The following THADA variants were observed in gnomAD, a reference collection of about 807,000 sequenced individuals.
THADA encodes the protein tRNA (32-2'-O)-methyltransferase regulator THADA.
THADA carries 213 observed loss-of-function variants against 219.8 expected under a neutral mutation model. That is an observed-to-expected ratio of 0.97 (90% CI 0.87 to 1.09). The LOEUF (loss-of-function observed/expected upper bound fraction) is 1.09. THADA is among the 50% of genes least tolerant of loss of function. The pLI, the probability that THADA is intolerant of heterozygous loss-of-function variation, is 0.00. For synonymous variants in THADA, 1,018 were observed against 828.9 expected, an observed-to-expected ratio of 1.23 and a Z score of -3.92; for missense variants, 2,956 against 2,311.3, an observed-to-expected ratio of 1.28 and a Z score of -5.72.
At chr2:43,530,308 T>C (rs942917940) in intron 21 of THADA, among the ~76,000 whole-genome samples, 7 of 152,326 alleles carry the variant, frequency 4.6e-5, no homozygotes, top group Admixed American at 3.9e-4. Flanking sequence ...AAGCCTTATT[T>C]TGTCTTCAAT....
chr2:43,252,716 G>C (rs6743112), intron 36 of THADA, among the ~76,000 whole-genome samples: 1 of 152,064 alleles, frequency 6.6e-6, no homozygotes, highest in Non-Finnish European at 1.5e-5. Context: ...CTAGTCCCCA[G>C]TGCTCTTGTC....
intron 30 of THADA, chr2:43,333,286 T>G (rs1666006356): frequency 6.6e-6 from 1 of 152,190 alleles, no homozygotes; most frequent in Non-Finnish European, 1.5e-5. Flanking sequence ...TGAACATATG[T>G]CAGCATGCTT....
At chr2:43,286,234 T>A (rs1444715685) in intron 35 of THADA, among the ~76,000 whole-genome samples, 1 of 152,080 alleles carries the variant, frequency 6.6e-6, no homozygotes. Flanking sequence ...TAGGGAGTGG[T>A]GGATGATAAG....
intron 36 of THADA, among the ~76,000 whole-genome samples, chr2:43,272,209 T>TA (rs1346229095): frequency 2.0e-5 from 3 of 152,134 alleles, no homozygotes; most frequent in African/African-American, 7.2e-5. Context: ...CTGGAGTGGC[T>TA]AGGGGAGGAG....
intron 28 of THADA, among the ~76,000 whole-genome samples, chr2:43,412,615 T>C (rs183216884): frequency 1.1e-4 from 17 of 152,308 alleles, no homozygotes; most frequent in Non-Finnish European, 1.9e-4. Flanking sequence ...CTTCAAAGCA[T>C]TTCATTTATT....
At chr2:43,288,168 C>T (rs746129483) in intron 34 of THADA, among the ~76,000 whole-genome samples, 21 of 152,340 alleles carry the variant, frequency 1.4e-4, no homozygotes, top group Non-Finnish European at 2.9e-4. Flanking sequence ...GCTATAATCC[C>T]AGCACTTTGG....
At chr2:43,443,070 T>C (rs1162209381) in intron 26 of THADA, among the ~76,000 whole-genome samples, 2 of 152,202 alleles carry the variant, frequency 1.3e-5, no homozygotes, top group African/African-American at 2.4e-5. Context: ...CAGCATGTCA[T>C]ACATGAAACT....
intron 26 of THADA, among the ~76,000 whole-genome samples, chr2:43,464,117 T>C (rs1409506992): frequency 6.6e-6 from 1 of 152,200 alleles, no homozygotes; most frequent in African/African-American, 2.4e-5. Flanking sequence ...CACTTTTGTA[T>C]GCAACAGTTT....
intron 36 of THADA, among the ~76,000 whole-genome samples, chr2:43,272,279 A>G (rs1403407635): frequency 6.6e-6 from 1 of 152,204 alleles, no homozygotes; most frequent in East Asian, 1.9e-4. Flanking sequence ...GGTTTTACCC[A>G]GATTAAGATG....
chr2:43,251,331 T>C (rs753708095), intron 36 of THADA, among the ~76,000 whole-genome samples: 5 of 152,220 alleles, frequency 3.3e-5, no homozygotes, highest in Admixed American at 1.3e-4. Context: ...TGCTTTTTCA[T>C]GAAGGCTTTT....
At chr2:43,272,539 T>A (rs1672250674) in intron 36 of THADA, among the ~76,000 whole-genome samples, 1 of 152,090 alleles carries the variant, frequency 6.6e-6, no homozygotes, top group Non-Finnish European at 1.5e-5. Flanking sequence ...CATCTCATAC[T>A]TAAATAGTAA....
chr2:43,447,391 T>C (rs1681717039), intron 26 of THADA, among the ~76,000 whole-genome samples: 1 of 152,134 alleles, frequency 6.6e-6, no homozygotes, highest in African/African-American at 2.4e-5. Flanking sequence ...CTCCTTTGTA[T>C]AGGCAATTTC....
intron 21 of THADA, among the ~76,000 whole-genome samples, chr2:43,537,315 T>A (rs928409954): frequency 2.0e-5 from 3 of 152,220 alleles, no homozygotes; most frequent in Non-Finnish European, 4.4e-5. Flanking sequence ...TGGTATCCTC[T>A]ATTGTATTTC....
chr2:43,584,037 T>TAAAAAAAA (rs536050936), intron 7 of THADA, among the ~76,000 whole-genome samples: 1 of 65,612 alleles, frequency 1.5e-5, no homozygotes, highest in African/African-American at 5.9e-5. Context: ...TTGTCTCAAT[T>TAAAAAAAA]AAAAAAAAAA....
chr2:43,489,322 A>G (rs1035309371), intron 25 of THADA, among the ~76,000 whole-genome samples: 1 of 152,160 alleles, frequency 6.6e-6, no homozygotes, highest in African/African-American at 2.4e-5. Flanking sequence ...CTGGGACTAC[A>G]GGTGCATGTC....
chr2:43,414,937 G>A (rs149115143), intron 28 of THADA, among the ~76,000 whole-genome samples: 22 of 152,258 alleles, frequency 1.4e-4, no homozygotes, highest in African/African-American at 4.1e-4. Flanking sequence ...GTCTTTCCCT[G>A]CCAGAAAGGA....
At chr2:43,249,678 G>C (rs1033612065) in intron 36 of THADA, among the ~76,000 whole-genome samples, 4 of 152,138 alleles carry the variant, frequency 2.6e-5, no homozygotes, top group African/African-American at 9.7e-5. Context: ...GGGTATTTTA[G>C]GCTTACAATT....
chr2:43,303,961 G>T (rs916094924), intron 31 of THADA, among the ~76,000 whole-genome samples: 7 of 152,158 alleles, frequency 4.6e-5, no homozygotes, highest in Admixed American at 4.6e-4. Flanking sequence ...GGCAGGGACC[G>T]CACTTTCAAG....
intron 29 of THADA, among the ~76,000 whole-genome samples, chr2:43,374,621 C>T (rs201971381): frequency 7.9e-5 from 12 of 151,974 alleles, no homozygotes; most frequent in South Asian, 6.2e-4. Flanking sequence ...GCATTCTATA[C>T]GAAGGAACCT....
Sources: allele counts gnomAD v4.1 joint callset (sites outside exome capture counted in the v4.1 genomes callset), GRCh38; gene constraint gnomAD v4.1.1; transcripts MANE v1.5; gene names NCBI Gene and HGNC (gene_info 2026-07-23, HGNC 2026-07-21).